The following TLE4 variants were observed in gnomAD, a reference collection of about 807,000 sequenced individuals.
The protein encoded by TLE4 is transducin-like enhancer protein 4.
A neutral mutation model predicts 92.8 loss-of-function variants in TLE4; 8 were observed. The observed-to-expected ratio is 0.09, with a 90% confidence interval of 0.05 to 0.16. The LOEUF (loss-of-function observed/expected upper bound fraction) is 0.16, where lower values mean the gene tolerates loss of function less well. Ranked by LOEUF, TLE4 falls within the 10% of genes least tolerant of loss-of-function variation. The pLI is 1.00. For missense variants in TLE4, 675 were observed against 997.6 expected (o/e 0.68, Z 4.36); for synonymous variants, 371 against 374.1 (o/e 0.99, Z 0.10).
At chr9:79,587,319 G>C (rs1384255999) in intron 4 of TLE4, among the ~76,000 whole-genome samples, 3 of 152,210 alleles carry the variant, frequency 2.0e-5, no homozygotes, top group Admixed American at 2.0e-4. Context: ...AAAAGGCCTA[G>C]ATAGGCAATC....
At position 79,649,942 on chromosome 9, in the gene TLE4, G is replaced by T. The variant is rs1450336426; in HGVS notation, c.391-2651G>T. 5.0e-5 allele frequency: 62 copies of T among 1,227,880 alleles called. 1 individual carries two copies. The highest frequency in any genetic ancestry group is 4.6e-4 in the Middle Eastern group (2 of 4,364). 76.1% of individuals were successfully genotyped at this position (1,227,880 alleles called of 1,614,324 possible). On this transcript the variant is annotated intron_variant, in intron 6 of 19. Coordinates refer to ENST00000376552, the MANE Select transcript of TLE4 (RefSeq NM_007005.6). ...TTTTTTGTTTTTTTTTTGAGACAGG[G>T]TTTCACTCTGTCACACAGGCTGGGA...
rs564787896 is a variant in TLE4, at chr9:79,643,203, C to T, written c.391-9390C>T. 2.2e-4 allele frequency among the ~76,000 whole-genome samples: 34 copies of T among 152,256 alleles called. 1 individual carries two copies. Among genetic ancestry groups the T allele is most frequent in the African/African-American group, 8.2e-4 (34 of 41,538 alleles). On this transcript the variant is annotated intron_variant, in intron 6 of 19. Coordinates refer to ENST00000376552, the MANE Select transcript of TLE4 (RefSeq NM_007005.6). ...CACCTAGATTTACCGGTTAACGTATCGTCACTTTTGTTTTCTGTCTCTGTT... is the reference window on the plus strand; with the variant it reads ...CACCTAGATTTACCGGTTAACGTATTGTCACTTTTGTTTTCTGTCTCTGTT...
intron 4 of TLE4, among the ~76,000 whole-genome samples, chr9:79,597,949 C>G (rs377576799): frequency 6.6e-6 from 1 of 151,916 alleles, no homozygotes; most frequent in African/African-American, 2.4e-5. Flanking sequence ...AAAGGACTCA[C>G]TGGCCTGGCG....
intron 8 of TLE4, among the ~76,000 whole-genome samples, chr9:79,691,004 G>GA: frequency 6.6e-6 from 1 of 152,062 alleles, no homozygotes; most frequent in Middle Eastern, 3.4e-3. Context: ...TCATTATATT[G>GA]ACAAACTTGA....
chr9:79,594,759 T>C (rs1468191613), intron 4 of TLE4, among the ~76,000 whole-genome samples: 1 of 152,176 alleles, frequency 6.6e-6, no homozygotes, highest in Non-Finnish European at 1.5e-5. Context: ...ACCTCTTGTA[T>C]TTTGGGGTAA....
chr9:79,656,709 G>A (rs1272220222), intron 8 of TLE4, among the ~76,000 whole-genome samples: 1 of 152,126 alleles, frequency 6.6e-6, no homozygotes, highest in Non-Finnish European at 1.5e-5. Flanking sequence ...GGTTGTAGAT[G>A]GGTTTGATTG....
chr9:79,707,743 A>G (rs1350895307), intron 11 of TLE4, among the ~76,000 whole-genome samples: 1 of 152,138 alleles, frequency 6.6e-6, no homozygotes, highest in Non-Finnish European at 1.5e-5. Context: ...TGACCTGTTC[A>G]CCAGGAAGCC....
At chr9:79,707,684 T>C (rs907876759) in intron 11 of TLE4, among the ~76,000 whole-genome samples, 1 of 152,230 alleles carries the variant, frequency 6.6e-6, no homozygotes, top group African/African-American at 2.4e-5. Context: ...TGGCACCTGC[T>C]CTCTGCTTAG....
In TLE4 at chr9:79,611,817, G is replaced by T. The variant is rs553314289; in HGVS notation, c.253-839G>T. 3.8e-4 allele frequency among the ~76,000 whole-genome samples: 57 copies of T among 151,548 alleles called. No individual in the cohort carries two copies. The South Asian group carries it at 3.9e-3, about 10-fold the overall frequency. The stretch of plus-strand genomic sequence containing the variant: ...AGTAACTTTTTAAAGAAAACATGTA[G>T]TGGTGGTTTTTCTTTTAACTTACTG... On this transcript the variant is annotated intron_variant, in intron 4 of 19. Transcript: ENST00000376552.
intron 4 of TLE4, among the ~76,000 whole-genome samples, chr9:79,584,801 T>G (rs1379817651): frequency 6.6e-6 from 1 of 152,230 alleles, no homozygotes; most frequent in Non-Finnish European, 1.5e-5. Context: ...CAACCGAACT[T>G]GCTGTGCCTT....
At chr9:79,701,003 A>C (rs186457643) in intron 8 of TLE4, among the ~76,000 whole-genome samples, 1 of 152,284 alleles carries the variant, frequency 6.6e-6, no homozygotes, top group East Asian at 1.9e-4. Flanking sequence ...TAAAATAATA[A>C]TAGAGAAATA....
At chr9:79,696,145 G>A (rs1360277771) in intron 8 of TLE4, among the ~76,000 whole-genome samples, 3 of 151,928 alleles carry the variant, frequency 2.0e-5, no homozygotes, top group Non-Finnish European at 4.4e-5. Flanking sequence ...TGAACAGTTA[G>A]TACTAAAAAA....
chr9:79,692,207 C>T (rs557972515), intron 8 of TLE4, among the ~76,000 whole-genome samples: 1 of 152,278 alleles, frequency 6.6e-6, no homozygotes, highest in African/African-American at 2.4e-5. Context: ...CCCTAGAAGG[C>T]ACATTTGACA....
intron 8 of TLE4, among the ~76,000 whole-genome samples, chr9:79,689,191 A>G (rs1236180932): frequency 1.3e-5 from 2 of 152,094 alleles, no homozygotes; most frequent in African/African-American, 2.4e-5. Context: ...GTGTGTGGGT[A>G]TGTTTAAAGG....
At chr9:79,611,578 C>T (rs1588051874) in intron 4 of TLE4, among the ~76,000 whole-genome samples, 1 of 151,902 alleles carries the variant, frequency 6.6e-6, no homozygotes, top group Admixed American at 6.6e-5. Flanking sequence ...GAGGAACTGA[C>T]CCTGGATGGA....
intron 4 of TLE4, among the ~76,000 whole-genome samples, chr9:79,601,053 T>C (rs965201753): frequency 6.6e-6 from 1 of 152,234 alleles, no homozygotes; most frequent in Non-Finnish European, 1.5e-5. Flanking sequence ...ATCAGCAATC[T>C]GGTATAAATA....
At chr9:79,620,141 G>A (rs770625745) in intron 5 of TLE4, among the ~76,000 whole-genome samples, 6 of 152,196 alleles carry the variant, frequency 3.9e-5, no homozygotes, top group Non-Finnish European at 7.3e-5. Context: ...GAGTGTTTGA[G>A]AACTGACTCA....
At chr9:79,589,843 C>T (rs2042105956) in intron 4 of TLE4, among the ~76,000 whole-genome samples, 1 of 152,154 alleles carries the variant, frequency 6.6e-6, no homozygotes, top group Non-Finnish European at 1.5e-5. Flanking sequence ...TAGGGCAGAT[C>T]TTATTGCAAA....
intron 4 of TLE4, among the ~76,000 whole-genome samples, chr9:79,584,114 A>G (rs1187240373): frequency 1.3e-5 from 2 of 152,216 alleles, no homozygotes; most frequent in Non-Finnish European, 2.9e-5. Flanking sequence ...AAGAGGAAAT[A>G]GTAGGTTTCT....
Sources: allele counts gnomAD v4.1 joint callset (sites outside exome capture counted in the v4.1 genomes callset), GRCh38; gene constraint gnomAD v4.1.1; transcripts MANE v1.5; gene names NCBI Gene and HGNC (gene_info 2026-07-23, HGNC 2026-07-21).